The following DMD variants were observed in gnomAD, a reference collection of about 807,000 sequenced individuals.
The protein encoded by DMD is mutant dystrophin.
DMD carries 63 observed loss-of-function variants against 330.1 expected under a neutral mutation model. The ratio of observed to expected loss-of-function variants is 0.19; its 90% CI spans 0.16 to 0.24. The LOEUF (loss-of-function observed/expected upper bound fraction) is 0.24. Among genes scored for constraint, DMD ranks in the 10% least tolerant of loss-of-function variants. DMD has a pLI of 1.00. For synonymous variants in DMD, 1,223 were observed against 959.8 expected (o/e 1.27, Z -5.07); for missense variants, 3,344 against 2,684.1 (o/e 1.25, Z -5.43).
intron 1 of DMD, among the ~76,000 whole-genome samples, chrX:33,126,775 G>A (rs751550418): frequency 9.0e-6 from 1 of 111,399 alleles, no homozygotes; most frequent in Non-Finnish European, 1.9e-5. Flanking sequence ...AAGCTGTGAA[G>A]GTTCAATAAA....
At chrX:31,551,586 A>G (rs1224163042) in intron 55 of DMD, among the ~76,000 whole-genome samples, 1 of 112,625 alleles carries the variant, frequency 8.9e-6, no homozygotes, top group Admixed American at 9.4e-5. Flanking sequence ...AAAGCTCCCT[A>G]CATTTCTTTG....
intron 7 of DMD, among the ~76,000 whole-genome samples, chrX:32,760,445 C>G (rs2072126001): frequency 1.8e-5 from 2 of 111,746 alleles, no homozygotes; most frequent in Non-Finnish European, 3.8e-5. Context: ...TTTTCCATGA[C>G]TGCAAGCTCT....
At chrX:33,166,732 G>T (rs1343121934) in intron 1 of DMD, among the ~76,000 whole-genome samples, 11 of 109,588 alleles carry the variant, frequency 1.0e-4, no homozygotes, top group African/African-American at 3.6e-4. Context: ...AAAAAGTCAT[G>T]GCTGGGCTTT....
chrX:32,010,116 C>T (rs1388868702), intron 44 of DMD, among the ~76,000 whole-genome samples: 1 of 111,425 alleles, frequency 9.0e-6, no homozygotes, highest in Non-Finnish European at 1.9e-5. Flanking sequence ...GCTAGAACTG[C>T]GTTTGGCACA....
chrX:31,740,927 C>A (rs1208387112), intron 51 of DMD, among the ~76,000 whole-genome samples: 1 of 112,298 alleles, frequency 8.9e-6, no homozygotes, highest in Non-Finnish European at 1.9e-5. Flanking sequence ...TCAATCTTCT[C>A]AAACCCTGAT....
intron 2 of DMD, among the ~76,000 whole-genome samples, chrX:32,992,678 G>A (rs1247435641): frequency 2.7e-5 from 3 of 110,131 alleles, no homozygotes; most frequent in African/African-American, 9.9e-5. Context: ...AGGCCGATGG[G>A]GGCGGATCAC....
chrX:32,252,649 AATACAAATATATAAATATATAT>A (rs1452180759), intron 43 of DMD, among the ~76,000 whole-genome samples: 1 of 50,393 alleles, frequency 2.0e-5, no homozygotes, highest in Non-Finnish European at 3.3e-5. Flanking sequence ...AATATATATA[AATACAAATATATAAATATATAT>A]ATATAAATAT....
intron 7 of DMD, among the ~76,000 whole-genome samples, chrX:32,783,508 G>A (rs903268051): frequency 1.8e-5 from 2 of 109,631 alleles, no homozygotes; most frequent in Non-Finnish European, 3.8e-5. Context: ...AAATCTCCCT[G>A]TTGGGTACTA....
chrX:31,277,755 C>G (rs986539264), intron 62 of DMD, among the ~76,000 whole-genome samples: 6 of 111,626 alleles, frequency 5.4e-5, no homozygotes, highest in African/African-American at 2.0e-4. Flanking sequence ...GTTTTTCAAA[C>G]TGCAGGTCAT....
At chrX:32,738,160 A>G (rs968198846) in intron 7 of DMD, among the ~76,000 whole-genome samples, 1 of 111,946 alleles carries the variant, frequency 8.9e-6, no homozygotes, top group African/African-American at 3.2e-5. Flanking sequence ...TGACTTGGTT[A>G]GAAGTTTGAA....
chrX:32,643,575 T>A (rs1036789161), intron 11 of DMD, among the ~76,000 whole-genome samples: 1 of 111,532 alleles, frequency 9.0e-6, no homozygotes, highest in Admixed American at 9.6e-5. Flanking sequence ...AAGAAATATG[T>A]CATTTTTCAG....
intron 13 of DMD, among the ~76,000 whole-genome samples, chrX:32,588,538 G>A (rs142617440): frequency 0.032 from 3,588 of 111,583 alleles, 55 homozygotes; most frequent in East Asian, 0.05. Context: ...ACTGGTAGGA[G>A]TCAGGTAATC....
At position 33,230,021 on chromosome X, in the gene DMD, G is replaced by T. The variant is rs931382214; in HGVS notation, c.7+109238C>A. ...CTTACAATGTGCTATTGTCTGCTAT[G>T]CATGTGATTACACAAAGATTGCGAA... On this transcript the variant is annotated intron_variant, in intron 1 of 17. Coordinates refer to the DMD transcript ENST00000288447. 2.7e-5 allele frequency among the ~76,000 whole-genome samples: 3 copies of T among 112,152 alleles called. No homozygotes were observed. In the Admixed American group the frequency reaches 2.8e-4, roughly 11 times the overall value.
intron 67 of DMD, among the ~76,000 whole-genome samples, chrX:31,198,770 G>A (rs773183629): frequency 1.5e-4 from 17 of 111,684 alleles, no homozygotes; most frequent in Non-Finnish European, 3.2e-4. Context: ...TGACCAAAAC[G>A]TCATTCTTCA....
intron 7 of DMD, among the ~76,000 whole-genome samples, chrX:32,806,337 CAAAA>C (rs1214245025): frequency 9.5e-6 from 1 of 105,203 alleles, no homozygotes; most frequent in Non-Finnish European, 1.9e-5. Flanking sequence ...TTAAAAAAAA[CAAAA>C]AAAGACAAAG....
intron 1 of DMD, among the ~76,000 whole-genome samples, chrX:33,058,592 T>C (rs1603156317): frequency 9.0e-6 from 1 of 110,746 alleles, no homozygotes; most frequent in East Asian, 2.9e-4. Flanking sequence ...CATGATCCAC[T>C]ACACCTGGCC....
intron 55 of DMD, among the ~76,000 whole-genome samples, chrX:31,561,580 C>A (rs755925581): frequency 6.3e-5 from 7 of 111,751 alleles, no homozygotes; most frequent in East Asian, 5.6e-4. Flanking sequence ...CCTTAAAATG[C>A]GGGTTAACTC....
chrX:31,192,191 T>C (rs948013697), intron 67 of DMD, among the ~76,000 whole-genome samples: 1 of 112,182 alleles, frequency 8.9e-6, no homozygotes, highest in Non-Finnish European at 1.9e-5. Context: ...TAAAGAATAT[T>C]AATGACTCTT....
At chrX:31,702,758 C>T (rs1276022798) in intron 52 of DMD, among the ~76,000 whole-genome samples, 3 of 110,799 alleles carry the variant, frequency 2.7e-5, no homozygotes, top group Non-Finnish European at 5.7e-5. Context: ...TAAACTCCCC[C>T]TAGTGATTCT....
Sources: gnomAD v4.1 joint callset for allele counts (sites outside exome capture counted in the v4.1 genomes callset) on GRCh38, gnomAD v4.1.1 for gene constraint, MANE v1.5 for transcripts, NCBI Gene and HGNC (gene_info 2026-07-23, HGNC 2026-07-21) for gene names.